Variants in LARP1B observed in about 807,000 individuals in gnomAD.
LARP1B encodes the protein la-related protein 1B.
A neutral mutation model predicts 114.2 loss-of-function variants in LARP1B; 76 were observed. The observed-to-expected ratio is 0.67, with a 90% CI of 0.55 to 0.81. The LOEUF is 0.81. LARP1B is among the 30% of genes least tolerant of loss of function. LARP1B has a pLI of 0.00. For missense variants in LARP1B, 1,014 were observed against 1,075.8 expected (o/e 0.94, Z 0.80); for synonymous variants, 345 against 348.0 (o/e 0.99, Z 0.10).
At chr4:128,199,359 G>T in intron 15 of LARP1B, 80 bp from the exon 16 acceptor site, 1 of 1,189,282 alleles carries the variant, frequency 8.4e-7, no homozygotes. Flanking sequence ...CCCCAATAAT[G>T]AAAAAAATAG....
intron 12 of LARP1B, among the ~76,000 whole-genome samples, chr4:128,164,718 G>A (rs562600971): frequency 1.1e-4 from 16 of 152,176 alleles, no homozygotes; most frequent in East Asian, 3.9e-4. Context: ...CCAACACTTC[G>A]GGAGGCCAAG....
chr4:128,202,015 T>C lies in LARP1B; in HGVS notation c.2309+1350T>C, dbSNP rs181091638. ...ATTTTTCTGATTAAAATCACAAAAA[T>C]TTCTTTGTGTTGACTTATGTAAAAA... is the stretch of plus-strand genomic sequence containing the variant. On this transcript the variant is annotated intron_variant, in intron 17 of 19. Transcript: ENST00000326639. 3.0e-3 allele frequency among the ~76,000 whole-genome samples: 457 copies of C among 152,290 alleles called. 4 individuals are homozygous for C. Among genetic ancestry groups the C allele is most frequent in the African/African-American group, 0.011 (439 of 41,566 alleles).
At chr4:128,062,640 AG>A (rs1348394934) in intron 1 of LARP1B, among the ~76,000 whole-genome samples, 2 of 148,350 alleles carry the variant, frequency 1.3e-5, no homozygotes, top group African/African-American at 4.9e-5. Context: ...AGTCAGAGCA[AG>A]GGGATTTATT....
chr4:128,063,214 G>T (rs987448291), intron 1 of LARP1B, among the ~76,000 whole-genome samples: 1 of 151,442 alleles, frequency 6.6e-6, no homozygotes, highest in East Asian at 1.9e-4. Context: ...ATCACCTGAG[G>T]TGAGGAGTTC....
At chr4:128,091,589 A>G in intron 7 of LARP1B, 77 bp downstream of exon 7, 1 of 1,177,688 alleles carries the variant, frequency 8.5e-7, no homozygotes, top group Non-Finnish European at 1.2e-6. Flanking sequence ...TTGATAATGA[A>G]TATGCTATAA....
At chr4:128,110,204 T>G (rs1025059475) in intron 9 of LARP1B, among the ~76,000 whole-genome samples, 21 of 152,174 alleles carry the variant, frequency 1.4e-4, no homozygotes, top group African/African-American at 4.6e-4. Context: ...CGGCCACTGA[T>G]AATTTTCAGT....
intron 11 of LARP1B, among the ~76,000 whole-genome samples, chr4:128,161,395 A>AG (rs1246404716): frequency 6.6e-6 from 1 of 152,158 alleles, no homozygotes; most frequent in Non-Finnish European, 1.5e-5. Context: ...AGAGGCAGGG[A>AG]GGGGTCTATT....
intron 8 of LARP1B, among the ~76,000 whole-genome samples, chr4:128,099,684 A>C (rs1265026293): frequency 6.6e-6 from 1 of 151,766 alleles, no homozygotes; most frequent in African/African-American, 2.4e-5. Flanking sequence ...AGTGTGAGTA[A>C]AGCATGAAGA....
In LARP1B at chr4:128,169,348, C is replaced by CT. The variant is rs1413412908; in HGVS notation, c.1648+7031_1648+7032insT. 2.4e-4 allele frequency among the ~76,000 whole-genome samples: 36 copies of CT among 151,658 alleles called. 1 individual carries two copies. On this transcript the variant is annotated intron_variant, in intron 12 of 19. Coordinates refer to ENST00000326639, the MANE Select transcript of LARP1B (RefSeq NM_018078.4). ...CACCATTTTTCTTTCCTATTATAAC[C>CT]ATTTAATACTACAAATTTCCACCTA...
chr4:128,124,800 A>T (rs1410076102), intron 11 of LARP1B, among the ~76,000 whole-genome samples: 1 of 152,210 alleles, frequency 6.6e-6, no homozygotes, highest in Non-Finnish European at 1.5e-5. Context: ...AGGAATGATT[A>T]TATAGGAGTT....
At chr4:128,095,716 T>C (rs1777681736) in intron 7 of LARP1B, among the ~76,000 whole-genome samples, 1 of 151,494 alleles carries the variant, frequency 6.6e-6, no homozygotes, top group Non-Finnish European at 1.5e-5. Context: ...ATGCCTTTTT[T>C]TCAAAGATAG....
intron 12 of LARP1B, 26 bp downstream of exon 12, chr4:128,162,343 T>G: frequency 5.6e-6 from 9 of 1,602,982 alleles, no homozygotes; most frequent in Non-Finnish European, 7.7e-6. Context: ...TTTGTGTAAG[T>G]GTCTGAATAG....
intron 1 of LARP1B, among the ~76,000 whole-genome samples, chr4:128,068,025 C>T (rs559476621): frequency 1.2e-4 from 19 of 152,112 alleles, no homozygotes; most frequent in African/African-American, 4.3e-4. Flanking sequence ...GGACTACAGG[C>T]GCCCGCCACC....
chr4:128,170,101 T>C (rs1398726390), intron 12 of LARP1B, among the ~76,000 whole-genome samples: 1 of 152,186 alleles, frequency 6.6e-6, no homozygotes, highest in Non-Finnish European at 1.5e-5. Context: ...TTCCAAGTGA[T>C]TGGAATTTTT....
intron 1 of LARP1B, among the ~76,000 whole-genome samples, chr4:128,068,652 G>T (rs914562858): frequency 6.6e-6 from 1 of 151,366 alleles, no homozygotes; most frequent in African/African-American, 2.4e-5. Flanking sequence ...GGCCTCAAAG[G>T]ATTCCCTGCC....
At chr4:128,085,353 CTTTTTTTTTTTT>C (rs35260726) in intron 5 of LARP1B, among the ~76,000 whole-genome samples, 8 of 85,846 alleles carry the variant, frequency 9.3e-5, no homozygotes, top group African/African-American at 3.7e-4. Flanking sequence ...CCTTAGCTTC[CTTTTTTTTTTTT>C]TTTTTTTTTT....
intron 1 of LARP1B, chr4:128,062,220 G>A: frequency 1.0e-6 from 1 of 985,458 alleles, no homozygotes; most frequent in Non-Finnish European, 1.2e-6. Flanking sequence ...CTGGAGGCAG[G>A]TCTGTGGTTG....
At chr4:128,159,728 T>A (rs1581142502) in intron 11 of LARP1B, among the ~76,000 whole-genome samples, 1 of 152,172 alleles carries the variant, frequency 6.6e-6, no homozygotes, top group Non-Finnish European at 1.5e-5. Flanking sequence ...TTGGTGCAGA[T>A]GTAGATCAAC....
downstream of LARP1B, among the ~76,000 whole-genome samples, chr4:128,213,239 A>C (rs775571944): frequency 4.6e-5 from 7 of 151,936 alleles, no homozygotes; most frequent in Non-Finnish European, 8.8e-5. Flanking sequence ...TAATGTCACC[A>C]TTTTAATCAT....
Sources: allele counts gnomAD v4.1 joint callset (sites outside exome capture counted in the v4.1 genomes callset), GRCh38; gene constraint gnomAD v4.1.1; transcripts MANE v1.5; gene names NCBI Gene and HGNC (gene_info 2026-07-23, HGNC 2026-07-21).